PTPRB: variants seen among roughly 807,000 people sequenced by gnomAD.
PTPRB encodes protein tyrosine phosphatase receptor type B.
In PTPRB, 97 loss-of-function variants were observed where a neutral mutation model predicts 238.1. That is an observed-to-expected ratio of 0.41 (90% CI 0.35 to 0.48). The LOEUF (loss-of-function observed/expected upper bound fraction) is 0.48, where lower values mean the gene tolerates loss of function less well. PTPRB is among the 20% of genes least tolerant of loss of function. PTPRB has a pLI of 0.30. For missense variants in PTPRB, 2,292 were observed against 2,681.9 expected (o/e 0.85, Z 3.21); for synonymous variants, 970 against 995.4 (o/e 0.97, Z 0.48).
intron 2 of PTPRB, among the ~76,000 whole-genome samples, chr12:70,622,952 G>T (rs562277951): frequency 2.0e-5 from 3 of 148,018 alleles, no homozygotes; most frequent in South Asian, 2.2e-4. Flanking sequence ...AGAATTTAGG[G>T]GGGGGGTCAC....
chr12:70,533,351 GGGA>G (rs1555221616), intron 31 of PTPRB, among the ~76,000 whole-genome samples: 2 of 152,186 alleles, frequency 1.3e-5, no homozygotes, highest in Non-Finnish European at 2.9e-5. Context: ...TGGGCTGACA[GGGA>G]GGAGATGAGT....
At chr12:70,543,721 G>A (rs908619127) in intron 22 of PTPRB, among the ~76,000 whole-genome samples, 3 of 152,200 alleles carry the variant, frequency 2.0e-5, no homozygotes, top group Non-Finnish European at 4.4e-5. Flanking sequence ...GAGGGAAGGT[G>A]ATGAAATGAT....
At chr12:70,564,821 A>C (rs1879020503) in intron 15 of PTPRB, among the ~76,000 whole-genome samples, 1 of 132,086 alleles carries the variant, frequency 7.6e-6, no homozygotes, top group Non-Finnish European at 1.6e-5. Context: ...TGCCAGAGCG[A>C]GGTTCTGTCT....
chr12:70,534,892 G>T lies in PTPRB; in HGVS notation c.6145C>A (p.Gln2049Lys). 1 of 1,613,902 alleles carries T rather than the reference G, an allele frequency of 6.2e-7. No homozygotes were observed. Among genetic ancestry groups the T allele is most frequent in the Non-Finnish European group, 8.5e-7 (1 of 1,179,802 alleles). The change falls in exon 30 of 34, where the codon CAG (glutamine) becomes AAG (lysine). Residue 2049 changes from glutamine to lysine, a missense_variant. Gln to Lys is a moderately conservative substitution (Grantham distance 53). Transcript: ENST00000334414. ...DSLYYGDLIL[Q>K]MLSESVLPEW... is the part of the protein sequence containing the mutation. ...GGCAGGACGGACTCTGAGAGCATCT[G>T]CAGGATGAGGTCCCCATAGTAGAGG...
Position 70,590,015 on chromosome 12 carries a change from T to C in PTPRB, c.1999A>G (p.Ile667Val). ...VPGRQYEVEV[I>V]VESGNLKNSE... ...TTCTTCAAATTTCCACTCTCAACAA[T>C]GACTTCCACCTCATACTGTCTTCCC... is the stretch of plus-strand genomic sequence containing the variant. The change falls in exon 8 of 34, where the codon ATT becomes GTT. Residue 667 changes from isoleucine to valine, a missense_variant. Physicochemically the swap from Ile to Val is conservative, Grantham distance 29. This residue lies in a region of PTPRB where 1,205 missense variants were observed against 1,287.8 expected (regional missense o/e 0.94). Transcript: ENST00000334414. 1 of 1,614,012 alleles carries C rather than the reference T, an allele frequency of 6.2e-7. No individual in the cohort carries two copies. Among genetic ancestry groups the C allele is most frequent in the Middle Eastern group, 1.6e-4 (1 of 6,062 alleles).
In PTPRB at chr12:70,609,129, T is replaced by A. The variant is rs755779652; in HGVS notation, c.919A>T (p.Thr307Ser). ...GAAATAATCCTGAAGTTATAGATGG[T>A]TCCTGCTTGTAAATCTTGAAGGTTA... Reference protein sequence around the residue: ...GCNLQDLQAGTIYNFRIISLD... With the variant: ...GCNLQDLQAGSIYNFRIISLD... The change falls in exon 4 of 34, where the codon ACC becomes TCC. Residue 307 changes from threonine (T) to serine (S), a missense_variant. Physicochemically the swap from Thr to Ser is moderately conservative, Grantham distance 58. Around this residue, in one of 4 missense-constraint regions of PTPRB, gnomAD observed 1,205 missense variants for 1,287.8 expected, o/e 0.94. Transcript: ENST00000334414. 3.1e-6 allele frequency: 5 copies of A among 1,613,948 alleles called. No individual in the cohort carries two copies. The highest frequency in any genetic ancestry group is 4.2e-6 in the Non-Finnish European group (5 of 1,179,814).
chr12:70,597,336 C>T (rs974504226), intron 4 of PTPRB, among the ~76,000 whole-genome samples: 4 of 152,194 alleles, frequency 2.6e-5, no homozygotes, highest in African/African-American at 4.8e-5. Context: ...CTTATTTCAA[C>T]TCTCAAAGCC....
At chr12:70,632,428 G>A (rs939324523) in intron 2 of PTPRB, among the ~76,000 whole-genome samples, 1 of 151,948 alleles carries the variant, frequency 6.6e-6, no homozygotes, top group Non-Finnish European at 1.5e-5. Context: ...GGTCCTGTCG[G>A]GGGGTGGGGG....
At position 70,562,724 on chromosome 12, in the gene PTPRB, C is replaced by A. The variant is rs565480068; in HGVS notation, c.4168+120G>T. The A allele has an allele frequency of 5.3e-5, 68 of 1,282,002 alleles. No individual in the cohort carries two copies. In the African/African-American group the frequency reaches 9.5e-4, roughly 18 times the overall value. 79.4% of individuals were successfully genotyped at this position (1,282,002 alleles called of 1,614,324 possible). On this transcript the variant is annotated intron_variant, in intron 16 of 33. Coordinates refer to ENST00000334414, the MANE Select transcript of PTPRB (RefSeq NM_001109754.4). ...TTAGGGTCAAACAGCCTGAAAGTCACAAATGCCATATAAAGCTACATCCTG... is the reference window on the plus strand; with the variant it reads ...TTAGGGTCAAACAGCCTGAAAGTCAAAAATGCCATATAAAGCTACATCCTG...
At chr12:70,635,203 A>T (rs1050825199) in intron 2 of PTPRB, among the ~76,000 whole-genome samples, 2 of 152,238 alleles carry the variant, frequency 1.3e-5, no homozygotes, top group African/African-American at 2.4e-5. Flanking sequence ...AAACACAACT[A>T]TCTTCCAGTC....
At chr12:70,543,504 T>C (rs983729014) in intron 22 of PTPRB, among the ~76,000 whole-genome samples, 1 of 152,242 alleles carries the variant, frequency 6.6e-6, no homozygotes, top group Non-Finnish European at 1.5e-5. Context: ...CTAAATCCTC[T>C]TAACTGTGTT....
chr12:70,630,331 C>T (rs1333570224), intron 2 of PTPRB, among the ~76,000 whole-genome samples: 1 of 152,156 alleles, frequency 6.6e-6, no homozygotes, highest in African/African-American at 2.4e-5. Context: ...ATGATTATCT[C>T]AATAGATGCA....
At chr12:70,586,106 A>T (rs577970855) in intron 9 of PTPRB, among the ~76,000 whole-genome samples, 101 of 152,286 alleles carry the variant, frequency 6.6e-4, no homozygotes, top group African/African-American at 2.2e-3. Context: ...CGCAATAAAC[A>T]TACGTGTGCA....
chr12:70,607,046 C>T (rs73146069), intron 4 of PTPRB, among the ~76,000 whole-genome samples: 32,501 of 152,122 alleles, frequency 0.21, 3,602 homozygotes, highest in South Asian at 0.29. Flanking sequence ...AGTCTTGTTT[C>T]ACTCAACATG....
intron 7 of PTPRB, among the ~76,000 whole-genome samples, chr12:70,591,101 ATTT>A (rs55873756): frequency 4.4e-5 from 6 of 137,422 alleles, no homozygotes; most frequent in Admixed American, 1.5e-4. Flanking sequence ...CAGCTAATTA[ATTT>A]TTTTTTTTTT....
intron 28 of PTPRB, among the ~76,000 whole-genome samples, chr12:70,536,693 A>G (rs1341265202): frequency 6.6e-6 from 1 of 152,170 alleles, no homozygotes; most frequent in Non-Finnish European, 1.5e-5. Context: ...CTCCTTCTGC[A>G]CTCCGGCAAT....
At chr12:70,593,604 A>G (rs1487100346) in intron 6 of PTPRB, among the ~76,000 whole-genome samples, 1 of 152,022 alleles carries the variant, frequency 6.6e-6, no homozygotes, top group African/African-American at 2.4e-5. Context: ...CTTGATGTAC[A>G]TAAATAACTT....
intron 28 of PTPRB, 21 bp downstream of exon 28, chr12:70,538,132 CTA>C (rs1157159614): frequency 6.3e-7 from 1 of 1,599,164 alleles, no homozygotes; most frequent in Non-Finnish European, 8.5e-7. Context: ...ATCCTGAACA[CTA>C]TGGCCTAGTG....
In PTPRB at chr12:70,596,081, C is replaced by G; in HGVS notation, c.1226G>C (p.Arg409Pro). ...TCCATTGGTATAAACTGAAAAAGAA[C>G]GTTTTCCTCCAGAAACAGCTGTGAT... ...IAITAVSGGK[R>P]SFSVYTNGST... Residue 409 changes from arginine (R) to proline (P), a missense_variant, in exon 5 of 34, where the codon CGT (arginine) becomes CCT (proline). Around this residue, in one of 4 missense-constraint regions of PTPRB, gnomAD observed 1,205 missense variants for 1,287.8 expected, o/e 0.94. Transcript: ENST00000334414. 6.2e-7 allele frequency: 1 copy of G among 1,610,800 alleles called. No individual in the cohort carries two copies. The highest frequency in any genetic ancestry group is 1.7e-4 in the Middle Eastern group (1 of 6,036).
Sources: allele counts gnomAD v4.1 joint callset (sites outside exome capture counted in the v4.1 genomes callset), GRCh38; gene constraint gnomAD v4.1.1; regional missense constraint gnomAD v4.1.1; transcripts MANE v1.5; gene names NCBI Gene and HGNC (gene_info 2026-07-23, HGNC 2026-07-21).